Variants in BTBD17 observed in about 807,000 individuals in gnomAD.
BTBD17 encodes the protein BTB domain containing 17.
In BTBD17, 26 loss-of-function variants were observed where a neutral mutation model predicts 36.9. The observed-to-expected ratio is 0.70, with a 90% CI of 0.52 to 0.98. BTBD17 has a LOEUF of 0.98. BTBD17 is among the 50% of genes least tolerant of loss of function. The pLI is 0.00. For synonymous variants in BTBD17, 341 were observed against 338.0 expected, an observed-to-expected ratio of 1.01 and a Z score of -0.10; for missense variants, 630 against 691.3, an observed-to-expected ratio of 0.91 and a Z score of 0.99.
Position 74,356,525 on chromosome 17 carries a change from C to G in BTBD17, c.*132G>C, listed in dbSNP as rs1197346145. 20 of 1,310,376 alleles carry G rather than the reference C, an allele frequency of 1.5e-5. No homozygotes were observed. The highest frequency in any genetic ancestry group is 1.9e-5 in the Non-Finnish European group (20 of 1,026,552). The allele number at this position is 1,310,376 out of a possible 1,614,324, so 81.2% of individuals were successfully genotyped here. ...TTGTCTACCACGCCTCACCTGGACT[C>G]CACCCCAGCCCTAGGGTGGCCGGCG... On this transcript the variant is annotated 3_prime_UTR_variant, in exon 3 of 3. Transcript: ENST00000375366. The surrounding 1 kb of genome is among the most constrained non-coding windows in gnomAD (Gnocchi z 4.3).
At chr17:74,359,231 A>AGG (rs2054919238) in intron 2 of BTBD17, among the ~76,000 whole-genome samples, 1 of 152,218 alleles carries the variant, frequency 6.6e-6, no homozygotes, top group Non-Finnish European at 1.5e-5. Flanking sequence ...ATATTCGTCT[A>AGG]TAATGGAATA....
intron 1 of BTBD17, 87 bp downstream of exon 1, chr17:74,361,648 C>A: frequency 9.2e-7 from 1 of 1,086,482 alleles, no homozygotes; most frequent in Non-Finnish European, 1.4e-6. Flanking sequence ...AGCTGGACAC[C>A]GCCCCCTCCT....
intron 1 of BTBD17, 90 bp from the exon 2 acceptor site, chr17:74,360,335 T>A (rs1049345153): frequency 5.1e-6 from 7 of 1,380,294 alleles, no homozygotes; most frequent in African/African-American, 2.9e-5. Context: ...TGGAGACATA[T>A]GCATGGGTGT....
At chr17:74,360,523 C>G (rs2054931386) in intron 1 of BTBD17, among the ~76,000 whole-genome samples, 1 of 152,178 alleles carries the variant, frequency 6.6e-6, no homozygotes, top group Non-Finnish European at 1.5e-5. Context: ...AGGTTGTGCT[C>G]AGGTTTAGGA....
chr17:74,357,504 G>T lies in BTBD17; in HGVS notation c.590C>A (p.Ser197Ter). The T allele has an allele frequency of 6.4e-7, 1 of 1,565,850 alleles. No homozygotes were observed. Among genetic ancestry groups the T allele is most frequent in the East Asian group, 2.3e-5 (1 of 42,682 alleles). Residue 197 changes from serine (S) to a stop codon, truncating the protein, a stop_gained, in exon 3 of 3, where the codon TCG (serine) becomes TAG (stop). Transcript: ENST00000375366. LOFTEE classifies it high-confidence loss of function. This position sits in a 1 kb window ranked among gnomAD's most constrained non-coding sequence, Gnocchi z 8.4. ...SCLQFLAWNL[S>*]AVAASTEWGA... Reference sequence around the variant, plus strand: ...CCACTCGGTGCTGGCCGCCACGGCCGACAGGTTCCAGGCCAGGAACTGCAG... The same window carrying T: ...CCACTCGGTGCTGGCCGCCACGGCCTACAGGTTCCAGGCCAGGAACTGCAG...
At position 74,361,855 on chromosome 17, in the gene BTBD17, G is replaced by T; in HGVS notation, c.-36C>A. The T allele has an allele frequency of 4.5e-6, 7 of 1,558,936 alleles. No individual in the cohort carries two copies. The highest frequency in any genetic ancestry group is 6.2e-6 in the Non-Finnish European group (7 of 1,131,552). On this transcript the variant is annotated 5_prime_UTR_variant, in exon 1 of 3. Coordinates refer to ENST00000375366, the MANE Select transcript of BTBD17 (RefSeq NM_001080466.2). The stretch of plus-strand genomic sequence containing the variant: ...AGCCCCCAAGTCCACTGGAGGGACG[G>T]TGAAGCCCAGACCACTCTGCTCACA...
In BTBD17 at chr17:74,357,601, C is replaced by T; in HGVS notation, c.493G>A (p.Gly165Ser). 6.5e-6 allele frequency: 10 copies of T among 1,549,978 alleles called. No homozygotes were observed. The highest frequency in any genetic ancestry group is 1.2e-5 in the South Asian group (1 of 84,822). The change falls in exon 3 of 3, where the codon GGC (glycine) becomes AGC (serine). Residue 165 changes from glycine (G) to serine (S), a missense_variant. Gly to Ser is a moderately conservative substitution (Grantham distance 56, BLOSUM62 0). Transcript: ENST00000375366. The surrounding 1 kb of genome is among the most constrained non-coding windows in gnomAD (Gnocchi z 8.4). ...TACCAGCCCACCGCCGGGCCCGCGC[C>T]TCCCGCCAGGTGCGCGCGCATGTAG... ...ADYMRAHLAG[G>S]AGPAVGWYHY... is the part of the protein sequence containing the mutation.
intron 2 of BTBD17, 130 bp downstream of exon 2, chr17:74,359,839 G>A: frequency 1.1e-6 from 1 of 896,462 alleles, no homozygotes; most frequent in East Asian, 2.5e-5. Context: ...AGGGGTCACT[G>A]TCATCCCAGT....
Position 74,360,240 on chromosome 17 carries a change from T to C in BTBD17, c.91A>G (p.Arg31Gly). ...LVGLVTHAAQ[R>G]ADVGGEAAGT... ...GCTGCCTCCCCGCCAACATCGGCTC[T>C]CTGTGCTGCAGCAGGAAGGAACACA... The change falls in exon 2 of 3, where the codon AGA becomes GGA. Residue 31 changes from arginine (R) to glycine (G), a missense_variant. Coordinates refer to ENST00000375366, the MANE Select transcript of BTBD17 (RefSeq NM_001080466.2). The C allele has an allele frequency of 1.2e-6, 2 of 1,604,400 alleles. No homozygotes were observed. Among genetic ancestry groups the C allele is most frequent in the South Asian group, 1.1e-5 (1 of 90,284 alleles).
At position 74,356,683 on chromosome 17, in the gene BTBD17, G is replaced by T; in HGVS notation, c.1411C>A (p.His471Asn). ...HLHLIVKPVYHTLIRTPK is the reference protein window; with the variant it reads ...HLHLIVKPVYNTLIRTPK ...TACTTGGGGGTCCGGATAAGGGTGT[G>T]GTATACGGGCTTGACGATGAGGTGC... The change falls in exon 3 of 3, where the codon CAC (histidine) becomes AAC (asparagine). Residue 471 changes from histidine (H) to asparagine (N), a missense_variant. His to Asn is a moderately conservative substitution (Grantham distance 68, BLOSUM62 1). Transcript: ENST00000375366. The surrounding 1 kb of genome is among the most constrained non-coding windows in gnomAD (Gnocchi z 4.3). 1 of 1,566,786 alleles carries T rather than the reference G, an allele frequency of 6.4e-7. No homozygotes were observed.
intron 1 of BTBD17, among the ~76,000 whole-genome samples, chr17:74,360,849 T>C (rs2054933404): frequency 6.6e-6 from 1 of 152,074 alleles, no homozygotes. Context: ...AGGGAACCAG[T>C]GTCAAGGCAG....
chr17:74,356,471 T>C lies in BTBD17; in HGVS notation c.*186A>G, dbSNP rs2054888417. The C allele has an allele frequency of 2.1e-6, 2 of 968,330 alleles. No homozygotes were observed. The highest frequency in any genetic ancestry group is 2.7e-6 in the Non-Finnish European group (2 of 733,700). The allele number at this position is 968,330 out of a possible 1,614,324, so 60.0% of individuals were successfully genotyped here. A position where few individuals can be genotyped will look rare whatever the true frequency, so the allele number is the denominator to read the frequency against. On this transcript the variant is annotated 3_prime_UTR_variant, in exon 3 of 3. Coordinates refer to ENST00000375366, the MANE Select transcript of BTBD17 (RefSeq NM_001080466.2). This position sits in a 1 kb window ranked among gnomAD's most constrained non-coding sequence, Gnocchi z 4.3. ...ACCAAGAACGTTCCTTCAAGTCAGC[T>C]GTGAAATCAGCTCTTGAAACCAGGC...
Position 74,360,193 on chromosome 17 carries a change from G to A in BTBD17, c.138C>T (p.Ser46=), listed in dbSNP as rs1251873411. The A allele has an allele frequency of 5.0e-6, 8 of 1,611,518 alleles. No homozygotes were observed. The highest frequency in any genetic ancestry group is 5.9e-6 in the Non-Finnish European group (7 of 1,179,300). ...CCTGCAAGCGCTGGAGCACCGCCTG[G>A]GAGTGGTTGATGGAGGTGCCAGCTG... ...GEAAGTSINH[S]QAVLQRLQEL... is the part of the protein sequence containing the mutation. The change falls in exon 2 of 3, where the codon TCC becomes TCT. Residue 46 remains serine, a synonymous_variant. Transcript: ENST00000375366.
intron 2 of BTBD17, among the ~76,000 whole-genome samples, chr17:74,358,475 C>CT (rs1204577844): frequency 0.04 from 2,416 of 60,122 alleles, 251 homozygotes; most frequent in African/African-American, 0.14. Flanking sequence ...GACACTCCAG[C>CT]TTTTTTTTTT....
Position 74,360,150 on chromosome 17 carries a change from TG to T in BTBD17, c.180del (p.Asn61ThrfsTer38). 6.2e-7 allele frequency: 1 copy of T among 1,612,552 alleles called. No individual in the cohort carries two copies. Among genetic ancestry groups the T allele is most frequent in the Non-Finnish European group, 8.5e-7 (1 of 1,179,854 alleles). On this transcript the variant is annotated frameshift_variant, in exon 2 of 3. Coordinates refer to ENST00000375366, the MANE Select transcript of BTBD17 (RefSeq NM_001080466.2). LOFTEE classifies it high-confidence loss of function. The part of the protein sequence containing the change: ...LQRLQELLRQ[G>X]NASDVVLRVQ... ...ACCCGCAGAACCACATCGCTGGCGT[TG>T]CCCTGCCGCAGCAGCTCCTGCAAGC... is the stretch of plus-strand genomic sequence containing the variant.
intron 1 of BTBD17, among the ~76,000 whole-genome samples, chr17:74,360,791 C>T (rs909936118): frequency 3.4e-4 from 51 of 151,846 alleles, no homozygotes; most frequent in Admixed American, 4.6e-4. Flanking sequence ...ACATATCAAA[C>T]GGGTAAGACA....
In BTBD17 at chr17:74,361,614, G is replaced by A. The variant is rs543961634; in HGVS notation, c.85+121C>T. 2.6e-4 allele frequency: 190 copies of A among 737,490 alleles called. 1 individual carries two copies. Among genetic ancestry groups the A allele is most frequent in the Non-Finnish European group, 2.8e-4 (128 of 449,144 alleles). 45.7% of individuals were successfully genotyped at this position (737,490 alleles called of 1,614,324 possible). On this transcript the variant is annotated intron_variant, in intron 1 of 2. Transcript: ENST00000375366. ...GACAGATGAGTCCGTGGAGCTGTCC[G>A]GTCCACCCCGTGCTCTCCCCAGCAG...
In BTBD17 at chr17:74,357,347, C is replaced by T. The variant is rs1268478710; in HGVS notation, c.747G>A (p.Glu249=). 6.4e-7 allele frequency: 1 copy of T among 1,552,012 alleles called. No individual in the cohort carries two copies. Among genetic ancestry groups the T allele is most frequent in the Non-Finnish European group, 8.6e-7 (1 of 1,156,904 alleles). ...GRARPPPAVA[E]RALRAIRYPM... ...GGTAGCGTATGGCGCGCAGCGCCCG[C>T]TCGGCCACGGCAGGGGGCGGCCGCG... is the stretch of plus-strand genomic sequence containing the variant. The change falls in exon 3 of 3, where the codon GAG becomes GAA. Residue 249 remains glutamate (E), a synonymous_variant. Transcript: ENST00000375366. This position sits in a 1 kb window ranked among gnomAD's most constrained non-coding sequence, Gnocchi z 8.4.
Position 74,357,961 on chromosome 17 carries a change from C to T in BTBD17, c.363-230G>A, listed in dbSNP as rs553379731. Among the ~76,000 whole-genome samples, 1 of 152,324 alleles carries T rather than the reference C, an allele frequency of 6.6e-6. No individual in the cohort carries two copies. Among genetic ancestry groups the T allele is most frequent in the East Asian group, 1.9e-4 (1 of 5,180 alleles). On this transcript the variant is annotated intron_variant, in intron 2 of 2. Transcript: ENST00000375366. This position sits in a 1 kb window ranked among gnomAD's most constrained non-coding sequence, Gnocchi z 8.4. ...CGTTTCCGCGGTGATGTAGAAATTG[C>T]CTGCATTGACTGTGCCTCTACTAGG...
Sources: gnomAD v4.1 joint callset for allele counts (sites outside exome capture counted in the v4.1 genomes callset) on GRCh38, gnomAD v4.1.1 for gene constraint, Gnocchi (gnomAD v3.1) non-coding constraint, MANE v1.5 for transcripts, NCBI Gene and HGNC (gene_info 2026-07-23, HGNC 2026-07-21) for gene names.